Variants in BICC1 observed in about 807,000 individuals in gnomAD.
BICC1 encodes BicC family RNA binding protein 1.
In BICC1, 43 loss-of-function variants were observed where a neutral mutation model predicts 111.0. The ratio of observed to expected loss-of-function variants is 0.39; its 90% CI spans 0.30 to 0.50. The LOEUF is 0.50. Ranked by LOEUF, BICC1 falls within the 20% of genes least tolerant of loss-of-function variation. The pLI is 0.88. For missense variants in BICC1, 1,091 were observed against 1,203.2 expected, an observed-to-expected ratio of 0.91 and a Z score of 1.38; for synonymous variants, 467 against 434.4, an observed-to-expected ratio of 1.07 and a Z score of -0.93.
chr10:58,605,250 A>G (rs1376057858), intron 1 of BICC1, among the ~76,000 whole-genome samples: 1 of 152,220 alleles, frequency 6.6e-6, no homozygotes, highest in African/African-American at 2.4e-5. Context: ...GTATAAAAAG[A>G]CTTATGATGA....
At chr10:58,787,219 T>G (rs912194821) in intron 5 of BICC1, 138 bp downstream of exon 5, 4 of 713,098 alleles carry the variant, frequency 5.6e-6, no homozygotes, top group Non-Finnish European at 8.3e-6. Context: ...ATTGTACAAC[T>G]TTCTGCAAGG....
At chr10:58,767,688 A>T (rs1038660153) in intron 3 of BICC1, among the ~76,000 whole-genome samples, 3 of 152,174 alleles carry the variant, frequency 2.0e-5, no homozygotes, top group Non-Finnish European at 4.4e-5. Flanking sequence ...AATAAAATAA[A>T]ATCAGTGTAA....
intron 1 of BICC1, among the ~76,000 whole-genome samples, chr10:58,524,962 T>C (rs1303975279): frequency 6.6e-6 from 1 of 151,740 alleles, no homozygotes; most frequent in Non-Finnish European, 1.5e-5. Context: ...CATGAAAAAA[T>C]GCTCATCATC....
chr10:58,540,310 A>G (rs1378395454), intron 1 of BICC1, among the ~76,000 whole-genome samples: 2 of 151,906 alleles, frequency 1.3e-5, no homozygotes, highest in African/African-American at 4.8e-5. Flanking sequence ...AGAGTAAAAA[A>G]AAAAGGCTAT....
At chr10:58,762,809 C>T (rs1386673249) in intron 3 of BICC1, among the ~76,000 whole-genome samples, 1 of 151,540 alleles carries the variant, frequency 6.6e-6, no homozygotes, top group Non-Finnish European at 1.5e-5. Flanking sequence ...ACTTTAAAAA[C>T]TTTAAAAAAC....
rs114254872 is a variant in BICC1 at position 58,760,369 on chromosome 10, C to T, written c.308-24632C>T. Among the ~76,000 whole-genome samples, 599 of 152,216 alleles carry T rather than the reference C, an allele frequency of 3.9e-3. 4 individuals carry two copies. The highest frequency in any genetic ancestry group is 0.013 in the African/African-American group (558 of 41,544). Reference sequence around the variant, plus strand: ...GTTAAACCGCAGCATTCATATATTACGCCTCTTCCACAGAGAAGCTCACAT... The same window carrying T: ...GTTAAACCGCAGCATTCATATATTATGCCTCTTCCACAGAGAAGCTCACAT... On this transcript the variant is annotated intron_variant, in intron 3 of 20. Transcript: ENST00000373886.
rs1027199665 is a variant in BICC1, at chr10:58,829,194, T to A, written c.*303T>A. 12 of 128,130 alleles carry A rather than the reference T, an allele frequency of 9.4e-5. No homozygotes were observed. Among genetic ancestry groups the A allele is most frequent in the Admixed American group, 1.5e-4 (2 of 13,070 alleles). 7.9% of individuals were successfully genotyped at this position (128,130 alleles called of 1,614,324 possible). A position where few individuals can be genotyped will look rare whatever the true frequency, so the allele number is the denominator to read the frequency against. ...CTATATAACATATGCACTGATGATTTTTTTTTTTTTTTTTTTTTTTTTTTT... is the reference window on the plus strand; with the variant it reads ...CTATATAACATATGCACTGATGATTATTTTTTTTTTTTTTTTTTTTTTTTT... On this transcript the variant is annotated 3_prime_UTR_variant, in exon 21 of 21. Coordinates refer to ENST00000373886, the MANE Select transcript of BICC1 (RefSeq NM_001080512.3).
At chr10:58,737,052 T>G (rs1429139120) in intron 3 of BICC1, among the ~76,000 whole-genome samples, 1 of 152,248 alleles carries the variant, frequency 6.6e-6, no homozygotes, top group African/African-American at 2.4e-5. Flanking sequence ...AAAAAAATTT[T>G]TTTTGAGACA....
At chr10:58,633,761 T>C (rs1017058608) in intron 2 of BICC1, among the ~76,000 whole-genome samples, 7 of 152,258 alleles carry the variant, frequency 4.6e-5, no homozygotes, top group African/African-American at 1.7e-4. Flanking sequence ...AAGAGACAAA[T>C]GATTCAAATT....
intron 3 of BICC1, among the ~76,000 whole-genome samples, chr10:58,710,182 C>G (rs1176459784): frequency 6.6e-6 from 1 of 152,064 alleles, no homozygotes; most frequent in Non-Finnish European, 1.5e-5. Flanking sequence ...GAAACTAAAG[C>G]CAGTAAAGGT....
At chr10:58,605,034 G>T (rs1428370606) in intron 1 of BICC1, among the ~76,000 whole-genome samples, 3 of 152,074 alleles carry the variant, frequency 2.0e-5, no homozygotes, top group Non-Finnish European at 4.4e-5. Flanking sequence ...CTTCCCAAGG[G>T]CCCCACCTCC....
At chr10:58,600,078 T>A (rs1460474650) in intron 1 of BICC1, among the ~76,000 whole-genome samples, 1 of 152,076 alleles carries the variant, frequency 6.6e-6, no homozygotes, top group African/African-American at 2.4e-5. Context: ...GTTTCCTAAT[T>A]GCTGATGGGG....
intron 17 of BICC1, among the ~76,000 whole-genome samples, chr10:58,813,437 T>C (rs1173957735): frequency 2.6e-5 from 4 of 152,156 alleles, no homozygotes; most frequent in Non-Finnish European, 4.4e-5. Context: ...ACCATTTCTC[T>C]TACTTGTGTA....
At chr10:58,646,002 A>G (rs1251150961) in intron 2 of BICC1, among the ~76,000 whole-genome samples, 1 of 152,080 alleles carries the variant, frequency 6.6e-6, no homozygotes, top group East Asian at 1.9e-4. Context: ...ATGAATTTGG[A>G]ACAATGCCAG....
intron 2 of BICC1, among the ~76,000 whole-genome samples, chr10:58,639,719 ATTTTT>A (rs71033694): frequency 1.5e-4 from 14 of 93,162 alleles, no homozygotes; most frequent in Non-Finnish European, 2.0e-4. Context: ...GCCCGGCCAA[ATTTTT>A]TTTTTTTTTT....
rs377210682 is a variant in BICC1 at position 58,776,484 on chromosome 10, C to G, written c.308-8517C>G. On this transcript the variant is annotated intron_variant, in intron 3 of 20. Coordinates refer to ENST00000373886, the MANE Select transcript of BICC1 (RefSeq NM_001080512.3). ...AAGTTCTTGCATAACTTGCTGTTAT[C>G]TCAGTACAATTTCCTGGGGATGCTT... Among the ~76,000 whole-genome samples, 19 of 152,348 alleles carry G rather than the reference C, an allele frequency of 1.2e-4. No homozygotes were observed. The East Asian group carries it at 2.1e-3, about 17-fold the overall frequency.
intron 2 of BICC1, among the ~76,000 whole-genome samples, chr10:58,645,127 T>C (rs905717508): frequency 2.0e-5 from 3 of 151,936 alleles, no homozygotes; most frequent in Admixed American, 6.6e-5. Context: ...AGGGAAAAGG[T>C]GGCCAGGCGC....
chr10:58,541,419 C>T (rs1364539751), intron 1 of BICC1, among the ~76,000 whole-genome samples: 2 of 152,026 alleles, frequency 1.3e-5, no homozygotes, highest in Non-Finnish European at 2.9e-5. Context: ...AATGACCAAT[C>T]TGAAAAGGCA....
chr10:58,548,373 C>G (rs1274897181), intron 1 of BICC1, among the ~76,000 whole-genome samples: 10 of 152,196 alleles, frequency 6.6e-5, no homozygotes, highest in Non-Finnish European at 1.3e-4. Context: ...ACCTACTCCA[C>G]TTATTTGTAA....
Sources: allele counts gnomAD v4.1 joint callset (sites outside exome capture counted in the v4.1 genomes callset), GRCh38; gene constraint gnomAD v4.1.1; transcripts MANE v1.5; gene names NCBI Gene and HGNC (gene_info 2026-07-23, HGNC 2026-07-21).